The following ANKRD30B variants were observed in gnomAD, a reference collection of about 807,000 sequenced individuals.
ANKRD30B encodes the protein ankyrin repeat domain-containing protein 30B.
Under a neutral mutation model 202.2 loss-of-function variants are expected in ANKRD30B, and 144 were observed. The ratio of observed to expected loss-of-function variants is 0.71; its 90% CI spans 0.62 to 0.82. ANKRD30B has a LOEUF of 0.82. ANKRD30B is among the 40% of genes least tolerant of loss of function. ANKRD30B has a pLI of 0.00. For missense variants in ANKRD30B, 1,487 were observed against 1,669.1 expected (o/e 0.89, Z 1.90); for synonymous variants, 508 against 561.3 (o/e 0.91, Z 1.34).
intron 16 of ANKRD30B, among the ~76,000 whole-genome samples, 194 bp downstream of exon 16, chr18:14,791,685 A>T (rs1968523373): frequency 6.6e-6 from 1 of 152,182 alleles, no homozygotes; most frequent in African/African-American, 2.4e-5. Context: ...CTGAAAAGGA[A>T]CTGAATTATT....
At chr18:14,890,642 A>G in the ANKRD30B span, among the ~76,000 whole-genome samples, 6 of 149,936 alleles carry the variant, frequency 4.0e-5, no homozygotes, top group African/African-American at 7.4e-5. Context: ...TTACTTTTCT[A>G]TTTGGATAAA....
At chr18:14,845,616 T>C (rs1006378865) in intron 39 of ANKRD30B, among the ~76,000 whole-genome samples, 1 of 151,822 alleles carries the variant, frequency 6.6e-6, no homozygotes, top group Non-Finnish European at 1.5e-5. Flanking sequence ...TGTTTGGTAT[T>C]TTTCAACTCT....
At chr18:14,884,351 A>T in the ANKRD30B span, among the ~76,000 whole-genome samples, 1 of 152,056 alleles carries the variant, frequency 6.6e-6, no homozygotes, top group East Asian at 1.9e-4. Flanking sequence ...CCCTGGCTAC[A>T]CCTTGATTGC....
At chr18:14,908,797 A>T in the ANKRD30B span, among the ~76,000 whole-genome samples, 4 of 152,184 alleles carry the variant, frequency 2.6e-5, no homozygotes, top group African/African-American at 9.7e-5. Context: ...GGGACACAGC[A>T]GCTTCCAGGG....
At chr18:14,764,637 C>A (rs10468698) in intron 7 of ANKRD30B, among the ~76,000 whole-genome samples, 11,306 of 152,140 alleles carry the variant, frequency 0.074, 1,426 homozygotes, top group African/African-American at 0.26. Flanking sequence ...ATAGCCCCGC[C>A]TTGGCCTCCA....
At chr18:14,885,241 T>C in the ANKRD30B span, among the ~76,000 whole-genome samples, 16 of 152,194 alleles carry the variant, frequency 1.1e-4, no homozygotes, top group Admixed American at 7.2e-4. Flanking sequence ...AGCCTTGTGT[T>C]ATTTATGTGT....
chr18:14,898,297 G>C, the ANKRD30B span, among the ~76,000 whole-genome samples: 1 of 152,114 alleles, frequency 6.6e-6, no homozygotes, highest in Non-Finnish European at 1.5e-5. Flanking sequence ...TGGCAGCCGG[G>C]GGGAGGTTCA....
chr18:14,757,894 G>A lies in ANKRD30B; in HGVS notation c.697G>A (p.Ala233Thr). 1 of 1,612,426 alleles carries A rather than the reference G, an allele frequency of 6.2e-7. No individual in the cohort carries two copies. The highest frequency in any genetic ancestry group is 8.5e-7 in the Non-Finnish European group (1 of 1,179,164). Residue 233 changes from alanine to threonine, a missense_variant, in exon 5 of 44, where the codon GCT (alanine) becomes ACT (threonine). Around this residue, in one of 6 missense-constraint regions of ANKRD30B, gnomAD observed 889 missense variants for 841.4 expected, o/e 1.06. Transcript: ENST00000690538. ...MLLQQNVDVF[A>T]EDIHGITAER... ...TCTTCAGCAAAATGTTGACGTCTTT[G>A]CTGAAGACATACATGGAATAACTGC...
intron 30 of ANKRD30B, among the ~76,000 whole-genome samples, chr18:14,821,476 G>GAGAC: frequency 6.6e-6 from 1 of 151,752 alleles, no homozygotes; most frequent in South Asian, 2.1e-4. Context: ...TTCTTTTGTT[G>GAGAC]AGACAGAGTC....
At chr18:14,838,933 A>G (rs965626293) in intron 36 of ANKRD30B, among the ~76,000 whole-genome samples, 1 of 152,254 alleles carries the variant, frequency 6.6e-6, no homozygotes, top group African/African-American at 2.4e-5. Context: ...TGAAAGCAGT[A>G]TTGTTAGCAC....
At chr18:14,891,799 C>G in the ANKRD30B span, among the ~76,000 whole-genome samples, 2 of 152,188 alleles carry the variant, frequency 1.3e-5, no homozygotes, top group African/African-American at 4.8e-5. Flanking sequence ...TTAGAGCACT[C>G]TATTTGGTAA....
At position 14,791,399 on chromosome 18, in the gene ANKRD30B, A is replaced by G. The variant is rs572802964; in HGVS notation, c.1735-2A>G. On this transcript the variant is annotated splice_acceptor_variant, in intron 15 of 43. Transcript: ENST00000690538. LOFTEE classifies it high-confidence loss of function. ...ATTATTTATTGATATTACTTTTAAC[A>G]GAGTCCCTGTGAGACGGTTTCACAG... 4 of 1,598,408 alleles carry G rather than the reference A, an allele frequency of 2.5e-6. No homozygotes were observed. The South Asian group carries it at 3.4e-5, about 14-fold the overall frequency.
chr18:14,872,619 C>T, the ANKRD30B span, among the ~76,000 whole-genome samples: 1,812 of 152,164 alleles, frequency 0.012, 22 homozygotes, highest in Middle Eastern at 0.027. Flanking sequence ...TATGGTTCTC[C>T]TTTTAAGTAA....
intron 10 of ANKRD30B, among the ~76,000 whole-genome samples, chr18:14,779,705 T>C (rs2143843362): frequency 6.6e-6 from 1 of 151,256 alleles, no homozygotes; most frequent in Non-Finnish European, 1.5e-5. Context: ...ATTATTTCTT[T>C]TGTGAGGAAA....
intron 9 of ANKRD30B, among the ~76,000 whole-genome samples, chr18:14,775,171 C>G (rs571573828): frequency 6.6e-6 from 1 of 152,318 alleles, no homozygotes; most frequent in South Asian, 2.1e-4. Context: ...TGACATTTAT[C>G]AGAACATACT....
Position 14,748,561 on chromosome 18 carries a change from CG to C in ANKRD30B, c.146del (p.Gly49AlafsTer9). 6.4e-7 allele frequency: 1 copy of C among 1,559,882 alleles called. No homozygotes were observed. The highest frequency in any genetic ancestry group is 1.9e-5 in the Admixed American group (1 of 51,628). On this transcript the variant is annotated frameshift_variant, in exon 1 of 44. Transcript: ENST00000690538. LOFTEE classifies it high-confidence loss of function. ...DLGKIHTAASRGQVQKLEKMT... is the reference protein window; with the variant it reads ...DLGKIHTAASXGQVQKLEKMT... Reference sequence around the variant, plus strand: ...AGGGAAGATCCATACAGCTGCCTCCCGGGGCCAAGTCCAGAAGCTGGAGAAG... The same window carrying C: ...AGGGAAGATCCATACAGCTGCCTCCCGGGCCAAGTCCAGAAGCTGGAGAAG...
At position 14,763,751 on chromosome 18, in the gene ANKRD30B, G is replaced by T; in HGVS notation, c.886G>T (p.Glu296Ter). The part of the protein sequence containing the change: ...PLAERTPDTA[E>*]SLLEKTPDEA... The stretch of plus-strand genomic sequence containing the variant: ...GGCGGAAAGAACACCTGACACGGCT[G>T]AAAGCTTGCTGGAAAAAACACCTGA... Residue 296 changes from glutamate to a stop codon, truncating the protein, a stop_gained, in exon 7 of 44, where the codon GAA becomes TAA. Transcript: ENST00000690538. LOFTEE classifies it high-confidence loss of function. The T allele has an allele frequency of 6.2e-7, 1 of 1,614,050 alleles. No individual in the cohort carries two copies. Among genetic ancestry groups the T allele is most frequent in the African/African-American group, 1.3e-5 (1 of 75,036 alleles).
the ANKRD30B span, among the ~76,000 whole-genome samples, chr18:14,906,930 G>A: frequency 2.6e-5 from 4 of 151,712 alleles, no homozygotes; most frequent in East Asian, 5.8e-4. Context: ...GGTGGCGGTG[G>A]GGGTCCAGGT....
rs567308948 is a variant in ANKRD30B, at chr18:14,831,423, A to G, written c.2815A>G (p.Lys939Glu). The G allele has an allele frequency of 2.6e-4, 404 of 1,533,972 alleles. 2 individuals carry two copies. In the African/African-American group the frequency reaches 4.9e-3, roughly 19 times the overall value. ...GACTACTGAAAATTCACAGTCTACA[A>G]AAGTTGAGGAAGACTTTAATCTTAC... ...KPTTENSQST[K>E]VEEDFNLTTK... Residue 939 changes from lysine to glutamate, a missense_variant, in exon 34 of 44, where the codon AAA becomes GAA. Lys to Glu is a moderately conservative substitution (Grantham distance 56, BLOSUM62 1). Transcript: ENST00000690538.
Sources: allele counts gnomAD v4.1 joint callset (sites outside exome capture counted in the v4.1 genomes callset), GRCh38; gene constraint gnomAD v4.1.1; regional missense constraint gnomAD v4.1.1; transcripts MANE v1.5; gene names NCBI Gene and HGNC (gene_info 2026-07-23, HGNC 2026-07-21).